Variants in STK31 observed in about 807,000 individuals in gnomAD.
STK31 encodes serine/threonine kinase 31.
In STK31, 89 loss-of-function variants were observed where a neutral mutation model predicts 129.7. That is an observed-to-expected ratio of 0.69 (90% CI 0.58 to 0.82). The LOEUF (loss-of-function observed/expected upper bound fraction) is 0.82. Among genes scored for constraint, STK31 ranks in the 40% least tolerant of loss-of-function variants. The pLI, the probability that STK31 is intolerant of heterozygous loss-of-function variation, is 0.00. For missense variants in STK31, 1,187 were observed against 1,176.4 expected (o/e 1.01, Z -0.13); for synonymous variants, 448 against 395.3 (o/e 1.13, Z -1.58).
In STK31 at chr7:23,721,325, T is replaced by C; in HGVS notation, c.249+3746T>C. 5.8e-6 allele frequency: 4 copies of C among 687,614 alleles called. No individual in the cohort carries two copies. In the South Asian group the frequency reaches 7.2e-5, roughly 12 times the overall value. 42.6% of individuals were successfully genotyped at this position (687,614 alleles called of 1,614,324 possible). ...ATCTAAACTATTTGTCTCTAAAATA[T>C]GTCAAGTAAGCTTTTAAAGATTCAG... On this transcript the variant is annotated intron_variant, in intron 4 of 23. Transcript: ENST00000355870.
At chr7:23,808,622 T>G (rs1792873153) in intron 22 of STK31, among the ~76,000 whole-genome samples, 1 of 152,062 alleles carries the variant, frequency 6.6e-6, no homozygotes, top group Non-Finnish European at 1.5e-5. Flanking sequence ...GACTGTAGAG[T>G]GACAGCTAGT....
intron 8 of STK31, among the ~76,000 whole-genome samples, chr7:23,745,767 A>G (rs1245308763): frequency 1.3e-5 from 2 of 152,004 alleles, no homozygotes; most frequent in Non-Finnish European, 2.9e-5. Context: ...GTGTGGCAGC[A>G]GCTAGTGACA....
intron 15 of STK31, among the ~76,000 whole-genome samples, chr7:23,779,150 C>A (rs2128107500): frequency 6.6e-6 from 1 of 152,274 alleles, no homozygotes; most frequent in East Asian, 1.9e-4. Context: ...CCCTGTTTGC[C>A]TGGGTATCAC....
chr7:23,789,919 G>A lies in STK31; in HGVS notation c.2638-905G>A, dbSNP rs543484445. ...TGCTACATTTTCCATGCAATTTTCA[G>A]ATTGAAGTGGTTATCAGGAAGATAA... is the stretch of plus-strand genomic sequence containing the variant. On this transcript the variant is annotated intron_variant, in intron 21 of 23. Coordinates refer to ENST00000355870, the MANE Select transcript of STK31 (RefSeq NM_031414.5). 2.3e-4 allele frequency among the ~76,000 whole-genome samples: 35 copies of A among 152,200 alleles called. 1 individual carries two copies. The highest frequency in any genetic ancestry group is 2.0e-3 in the Admixed American group (30 of 15,286).
At chr7:23,721,538 C>CT in intron 4 of STK31, 36 of 947,626 alleles carry the variant, frequency 3.8e-5, no homozygotes, top group Non-Finnish European at 3.6e-5. Flanking sequence ...CTGTTTAACT[C>CT]TCTTTTTTTT....
At chr7:23,824,507 A>T (rs1050754177) in intron 23 of STK31, among the ~76,000 whole-genome samples, 32 of 152,224 alleles carry the variant, frequency 2.1e-4, no homozygotes, top group African/African-American at 7.5e-4. Context: ...GGCTGAGATG[A>T]TGGGGTTTTC....
chr7:23,757,671 A>G (rs1562577296), intron 10 of STK31, among the ~76,000 whole-genome samples: 1 of 151,712 alleles, frequency 6.6e-6, no homozygotes, highest in Non-Finnish European at 1.5e-5. Context: ...TCCATTGCCC[A>G]GGGATGAGCA....
chr7:23,807,001 G>A (rs1346735756), intron 22 of STK31, among the ~76,000 whole-genome samples: 16 of 151,194 alleles, frequency 1.1e-4, no homozygotes. Flanking sequence ...TAATATTTCT[G>A]AAACTGCTTT....
At chr7:23,815,531 A>G (rs1240969459) in intron 23 of STK31, among the ~76,000 whole-genome samples, 2 of 152,306 alleles carry the variant, frequency 1.3e-5, no homozygotes, top group East Asian at 1.9e-4. Flanking sequence ...GTACCTAACT[A>G]TATCTTTGTC....
At chr7:23,795,512 C>A (rs1420996059) in intron 22 of STK31, among the ~76,000 whole-genome samples, 4 of 152,210 alleles carry the variant, frequency 2.6e-5, no homozygotes, top group African/African-American at 9.6e-5. Flanking sequence ...CCACACAGAG[C>A]CCCAACTGGT....
intron 22 of STK31, among the ~76,000 whole-genome samples, chr7:23,800,648 G>C (rs1792309769): frequency 6.6e-6 from 1 of 152,040 alleles, no homozygotes; most frequent in Non-Finnish European, 1.5e-5. Context: ...ACCTAATGTA[G>C]ATTATGGTTT....
chr7:23,808,970 T>TGTGTGTGTGTGTGC lies in STK31; in HGVS notation c.2761-6173_2761-6172insTGTGTGTGTGTGCG, dbSNP rs60631283. 6.0e-3 allele frequency among the ~76,000 whole-genome samples: 835 copies of TGTGTGTGTGTGTGC among 139,636 alleles called. 16 individuals carry two copies. Among genetic ancestry groups the TGTGTGTGTGTGTGC allele is most frequent in the Middle Eastern group, 0.025 (7 of 278 alleles). The allele number at this position is 139,636 out of a possible 152,430, so 91.6% of individuals were successfully genotyped here. ...GTGTGTGTGTGTGTGTGTGTGTGTG[T>TGTGTGTGTGTGTGC]GCCTGTGTCTGTTGGCATTTCTGGG... is the stretch of plus-strand genomic sequence containing the variant. On this transcript the variant is annotated intron_variant, in intron 22 of 23. Coordinates refer to ENST00000355870, the MANE Select transcript of STK31 (RefSeq NM_031414.5).
At chr7:23,758,358 CTCTT>C (rs1789238146) in intron 10 of STK31, among the ~76,000 whole-genome samples, 1 of 152,040 alleles carries the variant, frequency 6.6e-6, no homozygotes, top group African/African-American at 2.4e-5. Context: ...ATTCTTCTCT[CTCTT>C]CTTCTTAGTC....
chr7:23,813,400 C>T (rs1211274433), intron 22 of STK31, among the ~76,000 whole-genome samples: 2 of 151,964 alleles, frequency 1.3e-5, no homozygotes, highest in East Asian at 1.9e-4. Context: ...TGCAGTTTCT[C>T]GTTGAAGTTG....
At chr7:23,743,028 C>G (rs1425382100) in intron 8 of STK31, among the ~76,000 whole-genome samples, 1 of 150,398 alleles carries the variant, frequency 6.6e-6, no homozygotes, top group Non-Finnish European at 1.5e-5. Flanking sequence ...TCTTGGCTCT[C>G]TGCAACCTCC....
intron 21 of STK31, among the ~76,000 whole-genome samples, chr7:23,789,966 C>T (rs1227972582): frequency 6.6e-6 from 1 of 152,110 alleles, no homozygotes; most frequent in Non-Finnish European, 1.5e-5. Flanking sequence ...AGTCTGAGGT[C>T]AAGATCATTG....
chr7:23,742,391 C>T (rs578020725), intron 8 of STK31, among the ~76,000 whole-genome samples: 2 of 152,204 alleles, frequency 1.3e-5, no homozygotes, highest in African/African-American at 2.4e-5. Context: ...ACAGTGGCTG[C>T]AGCCATGTCT....
intron 8 of STK31, among the ~76,000 whole-genome samples, chr7:23,740,335 TA>T (rs1393618318): frequency 6.6e-6 from 1 of 152,192 alleles, no homozygotes; most frequent in Non-Finnish European, 1.5e-5. Flanking sequence ...GAAGTCTTTT[TA>T]AATTAGCTTC....
intron 23 of STK31, 54 bp from the exon 24 acceptor site, chr7:23,832,081 AT>A: frequency 7.7e-7 from 1 of 1,304,652 alleles, no homozygotes; most frequent in South Asian, 1.2e-5. Flanking sequence ...TTCCTTCTTC[AT>A]TACAGATTTG....
Sources: gnomAD v4.1 joint callset for allele counts (sites outside exome capture counted in the v4.1 genomes callset) on GRCh38, gnomAD v4.1.1 for gene constraint, MANE v1.5 for transcripts, NCBI Gene and HGNC (gene_info 2026-07-23, HGNC 2026-07-21) for gene names.